The following CSMD1 variants were observed in gnomAD, a reference collection of about 807,000 sequenced individuals.
The protein encoded by CSMD1 is CUB and sushi domain-containing protein 1.
CSMD1 carries 213 observed loss-of-function variants against 417.5 expected under a neutral mutation model. That is an observed-to-expected ratio of 0.51 (90% CI 0.46 to 0.57). The LOEUF (loss-of-function observed/expected upper bound fraction) is 0.57. Among genes scored for constraint, CSMD1 ranks in the 20% least tolerant of loss-of-function variants. The pLI, the probability that CSMD1 is intolerant of heterozygous loss-of-function variation, is 0.00. For missense variants in CSMD1, 6,923 were observed against 4,529.7 expected, an observed-to-expected ratio of 1.53 and a Z score of -15.17; for synonymous variants, 2,862 against 1,736.8, an observed-to-expected ratio of 1.65 and a Z score of -16.11.
chr8:4,280,133 T>A (rs1179318974), intron 3 of CSMD1, among the ~76,000 whole-genome samples: 1 of 152,234 alleles, frequency 6.6e-6, no homozygotes, highest in Non-Finnish European at 1.5e-5. Flanking sequence ...ACTTCAAATG[T>A]AAATATTCTG....
chr8:4,042,060 T>G (rs1006286463), intron 3 of CSMD1, among the ~76,000 whole-genome samples: 1 of 151,956 alleles, frequency 6.6e-6, no homozygotes. Context: ...GACACAAGTA[T>G]GTAATTAAAC....
chr8:2,946,343 G>T (rs6981292), intron 68 of CSMD1, among the ~76,000 whole-genome samples: 1 of 152,064 alleles, frequency 6.6e-6, no homozygotes, highest in Non-Finnish European at 1.5e-5. Flanking sequence ...TTAGAAGATT[G>T]GTGTCCCTCC....
chr8:3,304,022 C>G lies in CSMD1; in HGVS notation c.3950+3673G>C, dbSNP rs550217275. ...TAGCACTATATAAGCAGAAGTTGCT[C>G]TGGGCCTCAATGAAATCAATGTAGC... On this transcript the variant is annotated intron_variant, in intron 25 of 69. Coordinates refer to ENST00000635120, the MANE Select transcript of CSMD1 (RefSeq NM_033225.6). Among the ~76,000 whole-genome samples the G allele has an allele frequency of 1.5e-3, 226 of 152,202 alleles. 1 individual carries two copies. Among genetic ancestry groups the G allele is most frequent in the Non-Finnish European group, 2.4e-3 (165 of 68,002 alleles).
chr8:4,117,985 G>A (rs1275872203), intron 3 of CSMD1, among the ~76,000 whole-genome samples: 5 of 149,172 alleles, frequency 3.4e-5, no homozygotes, highest in African/African-American at 4.9e-5. Context: ...AAGGACAAGA[G>A]CAGGCACATG....
At position 3,264,672 on chromosome 8, in the gene CSMD1, G is replaced by T. The variant is rs960398369; in HGVS notation, c.4153+19472C>A. ...AGGGAAGTACTCATCAAAACTGTGG[G>T]GTCGTAAAAAGAGTATTGTGTCCTA... On this transcript the variant is annotated intron_variant, in intron 26 of 69. Transcript: ENST00000635120. Among the ~76,000 whole-genome samples, 4 of 152,178 alleles carry T rather than the reference G, an allele frequency of 2.6e-5. No individual in the cohort carries two copies. In the South Asian group the frequency reaches 6.2e-4, roughly 24 times the overall value.
intron 3 of CSMD1, among the ~76,000 whole-genome samples, chr8:4,191,501 A>C (rs1799030610): frequency 1.3e-5 from 2 of 152,232 alleles, no homozygotes; most frequent in South Asian, 4.1e-4. Flanking sequence ...TGTCTGCAAG[A>C]TACTGGTGAA....
chr8:4,112,541 G>C (rs1041348615), intron 3 of CSMD1, among the ~76,000 whole-genome samples: 12 of 152,180 alleles, frequency 7.9e-5, no homozygotes, highest in Non-Finnish European at 1.2e-4. Flanking sequence ...ACTGGACACA[G>C]CACGTCCTGC....
intron 4 of CSMD1, among the ~76,000 whole-genome samples, chr8:4,001,141 T>G (rs1195539312): frequency 6.6e-6 from 1 of 152,136 alleles, no homozygotes; most frequent in Non-Finnish European, 1.5e-5. Context: ...TTAAAAAGCT[T>G]TGAAATAGTC....
At chr8:3,614,975 A>C (rs1229827932) in intron 8 of CSMD1, among the ~76,000 whole-genome samples, 1 of 152,222 alleles carries the variant, frequency 6.6e-6, no homozygotes, top group African/African-American at 2.4e-5. Flanking sequence ...TGTTGACACA[A>C]GGAAGGAATA....
chr8:4,728,338 C>A (rs1366289845), intron 1 of CSMD1, among the ~76,000 whole-genome samples: 1 of 151,428 alleles, frequency 6.6e-6, no homozygotes, highest in South Asian at 2.1e-4. Flanking sequence ...TAAAAATGCT[C>A]ATTTGCTTAA....
At chr8:3,467,730 G>A (rs182617781) in intron 12 of CSMD1, among the ~76,000 whole-genome samples, 9 of 152,246 alleles carry the variant, frequency 5.9e-5, no homozygotes, top group African/African-American at 2.2e-4. Flanking sequence ...GGTGTGGCGT[G>A]TTCACTCACA....
chr8:3,118,574 C>A lies in CSMD1; in HGVS notation c.6255G>T (p.Gln2085His), dbSNP rs768046798. 13 of 1,611,648 alleles carry A rather than the reference C, an allele frequency of 8.1e-6. No homozygotes were observed. In the Admixed American group the frequency reaches 2.2e-4, roughly 27 times the overall value. Residue 2085 changes from glutamine (Q) to histidine (H), a missense_variant, in exon 42 of 70, where the codon CAG (glutamine) becomes CAT (histidine). By Grantham distance (24) the Gln-to-His change is conservative. Transcript: ENST00000635120. ...GAAATGGGGGTGGATCTGGACAGTT[C>A]TGTAATTCATAGGCTGAAAGAAACA... is the stretch of plus-strand genomic sequence containing the variant. The part of the protein sequence containing the change: ...FKLAYQAYEL[Q>H]NCPDPPPFQN...
Position 3,409,535 on chromosome 8 carries a change from G to A in CSMD1, c.1632C>T (p.Leu544=), listed in dbSNP as rs1398585812. Residue 544 remains leucine, a synonymous_variant, in exon 13 of 70, where the codon CTC becomes CTT. Coordinates refer to ENST00000635120, the MANE Select transcript of CSMD1 (RefSeq NM_033225.6). The stretch of plus-strand genomic sequence containing the variant: ...ATTCAAAGGTGAGTGTATCTCCATG[G>A]AGGAAACTGCTGCCCGTCCGCTTCC... ...AYGKRTGSSF[L]HGDTLTFECP... The A allele has an allele frequency of 3.7e-6, 6 of 1,611,326 alleles. No individual in the cohort carries two copies. In the East Asian group the frequency reaches 1.3e-4, roughly 36 times the overall value.
At chr8:3,753,816 A>T (rs1458065087) in intron 6 of CSMD1, 114 bp downstream of exon 6, 22 of 654,694 alleles carry the variant, frequency 3.4e-5, no homozygotes, top group Non-Finnish European at 5.4e-5. Context: ...TGAATAAAAG[A>T]ATTAGAAACC....
At chr8:3,151,979 C>T (rs192807517) in intron 39 of CSMD1, among the ~76,000 whole-genome samples, 13 of 152,286 alleles carry the variant, frequency 8.5e-5, no homozygotes, top group East Asian at 7.7e-4. Flanking sequence ...CATGAAGAAA[C>T]CAAGCCTGGA....
intron 2 of CSMD1, among the ~76,000 whole-genome samples, chr8:4,463,293 G>A (rs952698848): frequency 2.6e-5 from 4 of 152,136 alleles, no homozygotes; most frequent in Non-Finnish European, 4.4e-5. Context: ...AGTAAGTGTT[G>A]GTGAGGAGGT....
intron 44 of CSMD1, 89 bp from the exon 45 acceptor site, chr8:3,107,887 T>C (rs1430870339): frequency 6.1e-6 from 5 of 822,406 alleles, no homozygotes; most frequent in African/African-American, 3.6e-5. Context: ...TTGCAGTTGT[T>C]ATAATGCTTA....
intron 1 of CSMD1, among the ~76,000 whole-genome samples, chr8:4,645,592 G>T (rs1470683546): frequency 1.3e-5 from 2 of 152,052 alleles, no homozygotes; most frequent in Admixed American, 6.5e-5. Context: ...GGTGCGGGAT[G>T]ACGAGGCTGC....
intron 1 of CSMD1, among the ~76,000 whole-genome samples, chr8:4,682,416 T>A (rs893777207): frequency 6.6e-5 from 10 of 152,190 alleles, no homozygotes; most frequent in Non-Finnish European, 1.5e-4. Flanking sequence ...ATTTAGTAAT[T>A]TTCAAATTTC....
Sources: allele counts gnomAD v4.1 joint callset (sites outside exome capture counted in the v4.1 genomes callset), GRCh38; gene constraint gnomAD v4.1.1; transcripts MANE v1.5; gene names NCBI Gene and HGNC (gene_info 2026-07-23, HGNC 2026-07-21).